B4GALT6: variants seen among roughly 807,000 people sequenced by gnomAD.
B4GALT6 encodes beta-1,4-galactosyltransferase 6, also known as UDP-Gal:beta-GlcNAc beta-1,4-galactosyltransferase 6.
In B4GALT6, 14 loss-of-function variants were observed where a neutral mutation model predicts 46.3. That is an observed-to-expected ratio of 0.30 (90% CI 0.20 to 0.47). B4GALT6 has a LOEUF of 0.47. Among genes scored for constraint, B4GALT6 ranks in the 20% least tolerant of loss-of-function variants. The pLI, the probability that B4GALT6 is intolerant of heterozygous loss-of-function variation, is 0.99. For synonymous variants in B4GALT6, 168 were observed against 162.0 expected, an observed-to-expected ratio of 1.04 and a Z score of -0.28; for missense variants, 386 against 480.1, an observed-to-expected ratio of 0.80 and a Z score of 1.83.
intron 1 of B4GALT6, among the ~76,000 whole-genome samples, chr18:31,677,815 C>G (rs1248278472): frequency 6.6e-6 from 1 of 152,158 alleles, no homozygotes; most frequent in African/African-American, 2.4e-5. Flanking sequence ...AAACCGCAGG[C>G]TCAGGCAGTG....
the B4GALT6 span, among the ~76,000 whole-genome samples, chr18:31,701,693 A>G: frequency 2.6e-5 from 4 of 152,174 alleles, no homozygotes; most frequent in African/African-American, 4.8e-5. Context: ...GAATCTTTCT[A>G]TTGTCTCAGG....
intron 2 of B4GALT6, among the ~76,000 whole-genome samples, chr18:31,660,300 CTTTTTG>C (rs1304639762): frequency 4.6e-5 from 7 of 151,732 alleles, no homozygotes; most frequent in Admixed American, 2.6e-4. Context: ...TTGTTTTTTT[CTTTTTG>C]TTTTTGTTTT....
intron 5 of B4GALT6, among the ~76,000 whole-genome samples, chr18:31,636,786 G>A (rs1246060144): frequency 1.3e-5 from 2 of 152,142 alleles, no homozygotes; most frequent in Admixed American, 6.5e-5. Context: ...TAGAAATAAT[G>A]TAGAAAATTA....
chr18:31,646,533 G>A (rs981652975), intron 3 of B4GALT6, among the ~76,000 whole-genome samples: 2 of 152,168 alleles, frequency 1.3e-5, no homozygotes, highest in Non-Finnish European at 2.9e-5. Context: ...AATGTCATCC[G>A]TTAACTTCCA....
intron 2 of B4GALT6, among the ~76,000 whole-genome samples, chr18:31,662,167 A>T (rs1384985451): frequency 6.6e-6 from 1 of 152,220 alleles, no homozygotes; most frequent in Non-Finnish European, 1.5e-5. Flanking sequence ...GTTTTTAAAG[A>T]ACCACATTTA....
chr18:31,722,773 A>G, the B4GALT6 span, among the ~76,000 whole-genome samples: 1 of 152,230 alleles, frequency 6.6e-6, no homozygotes, highest in East Asian at 1.9e-4. Context: ...AATAAACCAC[A>G]GCGCTACTAT....
chr18:31,678,261 T>C (rs767513383), intron 1 of B4GALT6, among the ~76,000 whole-genome samples: 7 of 152,224 alleles, frequency 4.6e-5, no homozygotes, highest in Admixed American at 2.0e-4. Context: ...TCACAATGTG[T>C]AAGGAAAGGA....
At chr18:31,687,238 C>T (rs1027558682), upstream of B4GALT6, among the ~76,000 whole-genome samples, 1 of 152,164 alleles carries the variant, frequency 6.6e-6, no homozygotes, top group African/African-American at 2.4e-5. Context: ...GAATTAATGC[C>T]TGTAAAGAGC....
At chr18:31,687,811 TAAG>T (rs1433940311), upstream of B4GALT6, among the ~76,000 whole-genome samples, 5 of 152,306 alleles carry the variant, frequency 3.3e-5, no homozygotes, top group South Asian at 2.1e-4. Flanking sequence ...GTTGTATTAA[TAAG>T]AAGTATACAC....
chr18:31,641,232 A>C (rs2073927203), intron 4 of B4GALT6, among the ~76,000 whole-genome samples: 1 of 152,260 alleles, frequency 6.6e-6, no homozygotes, highest in Admixed American at 6.5e-5. Context: ...CTCCTAATAC[A>C]ATAATCTCTT....
the B4GALT6 span, among the ~76,000 whole-genome samples, chr18:31,706,060 A>C: frequency 6.6e-6 from 1 of 152,196 alleles, no homozygotes; most frequent in Non-Finnish European, 1.5e-5. Context: ...TGCTGGTTAA[A>C]TGAGATAACA....
intron 1 of B4GALT6, among the ~76,000 whole-genome samples, chr18:31,671,813 A>G (rs1457767854): frequency 6.6e-6 from 1 of 152,184 alleles, no homozygotes; most frequent in East Asian, 1.9e-4. Context: ...GTGTTCTCTA[A>G]TTTCATTCAT....
intron 1 of B4GALT6, among the ~76,000 whole-genome samples, chr18:31,677,240 C>T (rs2074424740): frequency 6.6e-6 from 1 of 152,194 alleles, no homozygotes; most frequent in African/African-American, 2.4e-5. Flanking sequence ...TTTTGCTGTG[C>T]TTCACAGCCA....
At chr18:31,663,594 CAATCT>C (rs1411807867) in intron 2 of B4GALT6, among the ~76,000 whole-genome samples, 1 of 152,208 alleles carries the variant, frequency 6.6e-6, no homozygotes, top group Non-Finnish European at 1.5e-5. Context: ...ATAACTATCA[CAATCT>C]ATTTATCATT....
At chr18:31,682,078 T>C (rs966840353) in intron 1 of B4GALT6, among the ~76,000 whole-genome samples, 2 of 152,226 alleles carry the variant, frequency 1.3e-5, no homozygotes, top group Admixed American at 1.3e-4. Context: ...ACAAGCCACA[T>C]TTTTCATGGA....
intron 2 of B4GALT6, 183 bp from the exon 3 acceptor site, chr18:31,658,272 T>C (rs2074168353): frequency 5.8e-6 from 3 of 515,378 alleles, no homozygotes; most frequent in Non-Finnish European, 6.9e-6. Context: ...CCTCTCAGCA[T>C]GATTTCCCAA....
the B4GALT6 span, among the ~76,000 whole-genome samples, chr18:31,709,445 ATATATATATATATGG>A: frequency 6.7e-6 from 1 of 148,618 alleles, no homozygotes; most frequent in Non-Finnish European, 1.5e-5. Context: ...ATATATATAT[ATATATATATATATGG>A]TATATTCTCT....
chr18:31,718,108 C>A, the B4GALT6 span, among the ~76,000 whole-genome samples: 18 of 152,278 alleles, frequency 1.2e-4, no homozygotes, highest in Admixed American at 5.2e-4. Flanking sequence ...GATAGTTCCA[C>A]ATTTTTTAAA....
chr18:31,655,489 GTGCACAGC>G (rs2074127285), intron 3 of B4GALT6, among the ~76,000 whole-genome samples: 1 of 152,170 alleles, frequency 6.6e-6, no homozygotes, highest in Non-Finnish European at 1.5e-5. Flanking sequence ...TGAAAAGGCA[GTGCACAGC>G]AGCCACGCAC....
Sources: allele counts gnomAD v4.1 joint callset (sites outside exome capture counted in the v4.1 genomes callset), GRCh38; gene constraint gnomAD v4.1.1; transcripts MANE v1.5; gene names NCBI Gene and HGNC (gene_info 2026-07-23, HGNC 2026-07-21).